The following SOX6 variants were observed in gnomAD, a reference collection of about 807,000 sequenced individuals.
SOX6 encodes the protein SRY-box transcription factor 6.
Under a neutral mutation model 97.8 loss-of-function variants are expected in SOX6, and 11 were observed. That is an observed-to-expected ratio of 0.11 (90% CI 0.07 to 0.19). The LOEUF (loss-of-function observed/expected upper bound fraction) is 0.19, where lower values mean the gene tolerates loss of function less well. Among genes scored for constraint, SOX6 ranks in the 10% least tolerant of loss-of-function variants. The pLI, the probability that SOX6 is intolerant of heterozygous loss-of-function variation, is 1.00. For synonymous variants in SOX6, 360 were observed against 371.4 expected, an observed-to-expected ratio of 0.97 and a Z score of 0.35; for missense variants, 810 against 1,039.5, an observed-to-expected ratio of 0.78 and a Z score of 3.04.
intron 3 of SOX6, among the ~76,000 whole-genome samples, chr11:16,677,884 TATAGA>T (rs2134027935): frequency 6.6e-6 from 1 of 152,328 alleles, no homozygotes; most frequent in Admixed American, 6.5e-5. Flanking sequence ...TTAATGAATA[TATAGA>T]TACTAAGGTT....
intron 3 of SOX6, among the ~76,000 whole-genome samples, chr11:16,695,078 A>G (rs1346027147): frequency 6.6e-6 from 1 of 152,200 alleles, no homozygotes; most frequent in Admixed American, 6.5e-5. Flanking sequence ...CTTGGAATCA[A>G]TCCCCCACGG....
intron 3 of SOX6, among the ~76,000 whole-genome samples, chr11:16,249,350 G>A (rs1400170940): frequency 5.9e-5 from 9 of 152,112 alleles, no homozygotes; most frequent in African/African-American, 2.2e-4. Flanking sequence ...ACAAAGTGCT[G>A]CCAGTCTCTT....
At chr11:16,701,133 C>A (rs928834940) in intron 3 of SOX6, among the ~76,000 whole-genome samples, 15 of 152,166 alleles carry the variant, frequency 9.9e-5, no homozygotes, top group African/African-American at 3.6e-4. Flanking sequence ...GGACTATAAT[C>A]ATTACCATTC....
chr11:16,130,374 A>G (rs1849710262), intron 6 of SOX6, among the ~76,000 whole-genome samples: 1 of 152,020 alleles, frequency 6.6e-6, no homozygotes, highest in Non-Finnish European at 1.5e-5. Context: ...TAACTATAAA[A>G]GGTGATGGGT....
chr11:16,285,083 C>G (rs1042827992), intron 3 of SOX6, among the ~76,000 whole-genome samples: 1 of 151,910 alleles, frequency 6.6e-6, no homozygotes, highest in Non-Finnish European at 1.5e-5. Flanking sequence ...GTCAAGTGAG[C>G]CTAACTGGAC....
rs150457461 is a variant in SOX6 at position 16,665,278 on chromosome 11, T to C, written n.429+49552A>G. Among the ~76,000 whole-genome samples, 695 of 152,178 alleles carry C rather than the reference T, an allele frequency of 4.6e-3. 6 individuals are homozygous for C. The highest frequency in any genetic ancestry group is 0.016 in the African/African-American group (672 of 41,538). ...TCCCAGCCTTTGTTCTTCAGTGGTA[T>C]TTCTGGACCTGCTCAGGGCCAAAGG... On this transcript the variant is annotated intron_variant and non_coding_transcript_variant, in intron 3 of 5. Coordinates refer to the SOX6 transcript ENST00000524520.
intron 4 of SOX6, among the ~76,000 whole-genome samples, chr11:16,509,011 A>G (rs901074579): frequency 2.0e-5 from 3 of 152,100 alleles, no homozygotes; most frequent in African/African-American, 7.2e-5. Flanking sequence ...ATTTCACAGA[A>G]CATATTTTGA....
At chr11:16,587,667 G>A (rs1848109414) in intron 4 of SOX6, among the ~76,000 whole-genome samples, 2 of 152,208 alleles carry the variant, frequency 1.3e-5, no homozygotes, top group African/African-American at 4.8e-5. Flanking sequence ...AAAAACTGGT[G>A]TAAGAAGAGA....
At chr11:16,348,028 G>T (rs1319665213) in intron 1 of SOX6, among the ~76,000 whole-genome samples, 2 of 151,882 alleles carry the variant, frequency 1.3e-5, no homozygotes, top group African/African-American at 4.8e-5. Context: ...GGGAGGAAGG[G>T]AGTGAGAGTA....
intron 6 of SOX6, among the ~76,000 whole-genome samples, chr11:16,120,411 T>G (rs1416851405): frequency 1.3e-5 from 2 of 151,878 alleles, no homozygotes; most frequent in Non-Finnish European, 2.9e-5. Context: ...CCTAGCACTC[T>G]TCAAAATTCT....
chr11:16,524,906 T>C (rs1287710304), intron 4 of SOX6, among the ~76,000 whole-genome samples: 4 of 152,126 alleles, frequency 2.6e-5, no homozygotes, highest in Non-Finnish European at 5.9e-5. Context: ...ATAAAATATC[T>C]AGGAATCCAA....
chr11:16,239,192 TA>T (rs903053668), intron 3 of SOX6, among the ~76,000 whole-genome samples: 5 of 152,064 alleles, frequency 3.3e-5, no homozygotes, highest in Admixed American at 6.6e-5. Flanking sequence ...AAATTTTAAT[TA>T]AAACCCTCCA....
At chr11:16,594,045 G>A (rs958318811) in intron 4 of SOX6, among the ~76,000 whole-genome samples, 7 of 152,090 alleles carry the variant, frequency 4.6e-5, no homozygotes, top group Admixed American at 4.6e-4. Context: ...TCACAACTAA[G>A]ACACAGCTAA....
intron 1 of SOX6, among the ~76,000 whole-genome samples, chr11:16,459,762 C>A (rs748866675): frequency 2.0e-5 from 3 of 151,708 alleles, no homozygotes; most frequent in African/African-American, 7.3e-5. Context: ...TAAATAGAAA[C>A]AATCTAGAAT....
At chr11:16,483,533 G>C (rs1028293812) in intron 4 of SOX6, among the ~76,000 whole-genome samples, 2 of 151,980 alleles carry the variant, frequency 1.3e-5, no homozygotes, top group African/African-American at 4.8e-5. Flanking sequence ...CAAAAAGAAG[G>C]GCAAAGCAAA....
intron 4 of SOX6, among the ~76,000 whole-genome samples, chr11:16,516,255 G>A (rs1355244675): frequency 6.6e-6 from 1 of 151,732 alleles, no homozygotes; most frequent in Non-Finnish European, 1.5e-5. Flanking sequence ...CCTTGAAGAG[G>A]TCCTTCACAT....
At chr11:16,177,504 T>C (rs1851225772) in intron 6 of SOX6, among the ~76,000 whole-genome samples, 1 of 151,792 alleles carries the variant, frequency 6.6e-6, no homozygotes, top group Admixed American at 6.6e-5. Flanking sequence ...AAATAGAAAA[T>C]TAAAATCACC....
chr11:16,444,900 C>G (rs940194833), intron 1 of SOX6, among the ~76,000 whole-genome samples: 1 of 152,164 alleles, frequency 6.6e-6, no homozygotes, highest in East Asian at 1.9e-4. Flanking sequence ...TGCTCACTTT[C>G]GCTCAGCCAG....
intron 4 of SOX6, among the ~76,000 whole-genome samples, chr11:16,501,333 G>C (rs1860703009): frequency 1.3e-5 from 2 of 151,542 alleles, no homozygotes; most frequent in South Asian, 2.1e-4. Context: ...AGACTTAAAT[G>C]TTAGACCTAA....
Sources: allele counts gnomAD v4.1 joint callset (sites outside exome capture counted in the v4.1 genomes callset), GRCh38; gene constraint gnomAD v4.1.1; transcripts MANE v1.5; gene names NCBI Gene and HGNC (gene_info 2026-07-23, HGNC 2026-07-21).